The following ERC2 variants were observed in gnomAD, a reference collection of about 807,000 sequenced individuals.
The protein encoded by ERC2 is ELKS/RAB6-interacting/CAST family member 2, also known as ERC protein 2.
In ERC2, 42 loss-of-function variants were observed where a neutral mutation model predicts 114.8. The ratio of observed to expected loss-of-function variants is 0.37; its 90% CI spans 0.29 to 0.47. The LOEUF (loss-of-function observed/expected upper bound fraction) is 0.47, where lower values mean the gene tolerates loss of function less well. ERC2 is among the 20% of genes least tolerant of loss of function. ERC2 has a pLI of 0.99. For synonymous variants in ERC2, 454 were observed against 425.5 expected, an observed-to-expected ratio of 1.07 and a Z score of -0.82; for missense variants, 939 against 1,150.7, an observed-to-expected ratio of 0.82 and a Z score of 2.66.
At chr3:55,838,923 C>A (rs2061012508) in intron 14 of ERC2, among the ~76,000 whole-genome samples, 1 of 151,714 alleles carries the variant, frequency 6.6e-6, no homozygotes, top group African/African-American at 2.4e-5. Flanking sequence ...TTAAATAATA[C>A]CCTGCTACTC....
intron 2 of ERC2, among the ~76,000 whole-genome samples, chr3:56,310,033 T>C (rs1265836020): frequency 6.6e-6 from 1 of 152,204 alleles, no homozygotes; most frequent in Non-Finnish European, 1.5e-5. Context: ...ATATAATTTA[T>C]TTCACATTAA....
intron 2 of ERC2, among the ~76,000 whole-genome samples, chr3:56,405,196 C>A (rs527469726): frequency 5.6e-4 from 85 of 152,276 alleles, no homozygotes; most frequent in African/African-American, 1.9e-3. Flanking sequence ...GTAATCCCAG[C>A]ACCTTGGGAG....
rs114162704 is a variant in ERC2, at chr3:55,583,302, A to G, written c.*40-72026T>C. Among the ~76,000 whole-genome samples the G allele has an allele frequency of 5.5e-3, 832 of 152,260 alleles. 7 individuals are homozygous for G. The highest frequency in any genetic ancestry group is 0.019 in the African/African-American group (777 of 41,554). On this transcript the variant is annotated intron_variant, in intron 17 of 17. Coordinates refer to ENST00000288221, the MANE Select transcript of ERC2 (RefSeq NM_015576.3). Reference sequence around the variant, plus strand: ...CACAATGTAAAGTCAGGCATCTGTTAGCTACTGGCTGGTTTCCAGTGTGGA... The same window carrying G: ...CACAATGTAAAGTCAGGCATCTGTTGGCTACTGGCTGGTTTCCAGTGTGGA...
At chr3:55,863,419 T>G (rs1189864469) in intron 14 of ERC2, among the ~76,000 whole-genome samples, 7 of 152,160 alleles carry the variant, frequency 4.6e-5, no homozygotes, top group Non-Finnish European at 8.8e-5. Context: ...TATGAACTGC[T>G]GGAATTTATT....
chr3:56,293,587 C>G (rs2055230925), intron 3 of ERC2, among the ~76,000 whole-genome samples: 1 of 152,152 alleles, frequency 6.6e-6, no homozygotes, highest in Non-Finnish European at 1.5e-5. Context: ...TTGCTGAGTT[C>G]AAGTTTAACA....
chr3:55,588,731 C>T (rs893815490), intron 17 of ERC2, among the ~76,000 whole-genome samples: 2 of 152,110 alleles, frequency 1.3e-5, no homozygotes, highest in Non-Finnish European at 2.9e-5. Context: ...AAGTGGGGCT[C>T]CCCCTTCCTT....
At chr3:56,358,017 G>A (rs1046404104) in intron 2 of ERC2, among the ~76,000 whole-genome samples, 5 of 151,702 alleles carry the variant, frequency 3.3e-5, no homozygotes, top group African/African-American at 7.3e-5. Context: ...GCCCCATACC[G>A]GCTAAGCAGA....
chr3:55,748,749 A>G (rs1039624374), intron 14 of ERC2, among the ~76,000 whole-genome samples: 1 of 152,186 alleles, frequency 6.6e-6, no homozygotes, highest in East Asian at 1.9e-4. Flanking sequence ...CCGAATGCCT[A>G]GTATAATCCA....
intron 17 of ERC2, among the ~76,000 whole-genome samples, chr3:55,523,104 C>T (rs2053073483): frequency 6.6e-6 from 1 of 152,312 alleles, no homozygotes; most frequent in Admixed American, 6.5e-5. Context: ...GGGCCAGAGA[C>T]CAAGGGACTG....
At chr3:55,563,923 T>A (rs1039121305) in intron 17 of ERC2, among the ~76,000 whole-genome samples, 2 of 152,214 alleles carry the variant, frequency 1.3e-5, no homozygotes, top group Non-Finnish European at 2.9e-5. Flanking sequence ...CACTTGGAAC[T>A]GAACTAATTT....
chr3:56,336,708 C>T (rs957757380), intron 2 of ERC2, among the ~76,000 whole-genome samples: 1 of 152,058 alleles, frequency 6.6e-6, no homozygotes, highest in Non-Finnish European at 1.5e-5. Context: ...GCAGGAGAAT[C>T]GCTTGAACCT....
intron 3 of ERC2, among the ~76,000 whole-genome samples, chr3:56,248,157 A>G (rs1050903323): frequency 1.3e-5 from 2 of 152,154 alleles, no homozygotes; most frequent in Non-Finnish European, 2.9e-5. Flanking sequence ...TGACACAATC[A>G]TAGTTCATTG....
chr3:56,382,590 C>T (rs73075838), intron 2 of ERC2, among the ~76,000 whole-genome samples: 4,887 of 152,020 alleles, frequency 0.032, 174 homozygotes, highest in African/African-American at 0.078. Flanking sequence ...ATGATCATGC[C>T]CTCCCTTGTT....
intron 9 of ERC2, 97 bp downstream of exon 9, chr3:56,010,352 T>C (rs562488810): frequency 4.1e-5 from 58 of 1,405,032 alleles, no homozygotes; most frequent in Non-Finnish European, 5.1e-5. Context: ...CAAGCCTTCA[T>C]ACAGTGCCTC....
chr3:56,273,570 C>T (rs886122960), intron 3 of ERC2, among the ~76,000 whole-genome samples: 1 of 151,536 alleles, frequency 6.6e-6, no homozygotes, highest in African/African-American at 2.4e-5. Context: ...ACGGAGGATT[C>T]TTTTTTTCAC....
intron 10 of ERC2, among the ~76,000 whole-genome samples, chr3:56,001,309 C>T (rs2072038921): frequency 6.6e-6 from 1 of 151,956 alleles, no homozygotes; most frequent in South Asian, 2.1e-4. Context: ...CATATGGTTG[C>T]AAATTCTCTA....
At chr3:55,654,567 A>T (rs1280878297) in intron 17 of ERC2, among the ~76,000 whole-genome samples, 1 of 152,232 alleles carries the variant, frequency 6.6e-6, no homozygotes, top group Non-Finnish European at 1.5e-5. Flanking sequence ...GCCACTGGAG[A>T]CTGCGGTGGA....
intron 13 of ERC2, among the ~76,000 whole-genome samples, chr3:55,942,683 G>A (rs2066890017): frequency 6.6e-6 from 1 of 152,018 alleles, no homozygotes; most frequent in Non-Finnish European, 1.5e-5. Flanking sequence ...AGATGTAGAG[G>A]GAAAGTGTAA....
At chr3:55,539,121 A>C (rs1248650574) in intron 17 of ERC2, among the ~76,000 whole-genome samples, 2 of 152,200 alleles carry the variant, frequency 1.3e-5, no homozygotes, top group African/African-American at 4.8e-5. Flanking sequence ...AAAACCTGGA[A>C]GTGGGTCCAT....
Sources: allele counts gnomAD v4.1 joint callset (sites outside exome capture counted in the v4.1 genomes callset), GRCh38; gene constraint gnomAD v4.1.1; transcripts MANE v1.5; gene names NCBI Gene and HGNC (gene_info 2026-07-23, HGNC 2026-07-21).